The following NRG1 variants were observed in gnomAD, a reference collection of about 807,000 sequenced individuals.
NRG1 encodes the protein pro-neuregulin-1, membrane-bound isoform.
In NRG1, 18 loss-of-function variants were observed where a neutral mutation model predicts 63.8. That is an observed-to-expected ratio of 0.28 (90% CI 0.19 to 0.42). The LOEUF (loss-of-function observed/expected upper bound fraction) is 0.42. Among genes scored for constraint, NRG1 ranks in the 10% least tolerant of loss-of-function variants. The pLI, the probability that NRG1 is intolerant of heterozygous loss-of-function variation, is 1.00. For synonymous variants in NRG1, 302 were observed against 301.3 expected, an observed-to-expected ratio of 1.00 and a Z score of -0.02; for missense variants, 762 against 814.7, an observed-to-expected ratio of 0.94 and a Z score of 0.79.
At chr8:32,764,612 A>G (rs544578851) in exon 12 of NRG1, 15 of 437,752 alleles carry the variant, frequency 3.4e-5, no homozygotes, top group African/African-American at 1.6e-4. Flanking sequence ...AAAGATATCA[A>G]TGGTGCCTTT....
At chr8:31,982,006 A>G (rs1809198419) in intron 1 of NRG1, among the ~76,000 whole-genome samples, 1 of 151,916 alleles carries the variant, frequency 6.6e-6, no homozygotes, top group South Asian at 2.1e-4. Context: ...ACATGTATAA[A>G]TATATACCAT....
intron 1 of NRG1, among the ~76,000 whole-genome samples, chr8:32,275,422 A>G (rs938949938): frequency 7.2e-5 from 11 of 152,202 alleles, no homozygotes; most frequent in Non-Finnish European, 1.6e-4. Flanking sequence ...GGCAGGACAC[A>G]GAGATGGAGA....
At chr8:31,810,333 C>T (rs919793495) in intron 1 of NRG1, among the ~76,000 whole-genome samples, 4 of 152,062 alleles carry the variant, frequency 2.6e-5, no homozygotes, top group African/African-American at 9.7e-5. Flanking sequence ...AATCAAGTTC[C>T]ATCACTCCCT....
chr8:31,803,975 C>T (rs1822038443), intron 1 of NRG1, among the ~76,000 whole-genome samples: 1 of 152,168 alleles, frequency 6.6e-6, no homozygotes, highest in Non-Finnish European at 1.5e-5. Context: ...CAGAGATGTT[C>T]CCCAGCTACC....
intron 1 of NRG1, among the ~76,000 whole-genome samples, chr8:32,433,806 G>A (rs1236658013): frequency 6.6e-6 from 1 of 152,094 alleles, no homozygotes; most frequent in Non-Finnish European, 1.5e-5. Flanking sequence ...CCAGGAGTAG[G>A]AAATATTTCT....
At chr8:32,650,735 A>G (rs1054530135) in intron 5 of NRG1, among the ~76,000 whole-genome samples, 2 of 152,030 alleles carry the variant, frequency 1.3e-5, no homozygotes, top group African/African-American at 4.8e-5. Context: ...AGTCACAGAA[A>G]GAACTGGGAC....
chr8:31,970,907 G>A (rs938940866), intron 1 of NRG1, among the ~76,000 whole-genome samples: 3 of 152,020 alleles, frequency 2.0e-5, no homozygotes, highest in East Asian at 1.9e-4. Flanking sequence ...CAACTTGCGC[G>A]GTGGCGGGCG....
intron 1 of NRG1, among the ~76,000 whole-genome samples, chr8:32,226,946 A>G (rs1410456794): frequency 6.6e-6 from 1 of 152,322 alleles, no homozygotes; most frequent in Middle Eastern, 3.4e-3. Flanking sequence ...GTGTCCTACA[A>G]ATGTCCATGC....
At chr8:32,304,101 A>G (rs867148293) in intron 1 of NRG1, among the ~76,000 whole-genome samples, 1 of 152,214 alleles carries the variant, frequency 6.6e-6, no homozygotes, top group Non-Finnish European at 1.5e-5. Context: ...AACGTTCATG[A>G]GTGTTTAATC....
chr8:32,749,163 C>A (rs1329748756), intron 7 of NRG1: 1 of 164,650 alleles, frequency 6.1e-6, no homozygotes, highest in Admixed American at 6.1e-5. Flanking sequence ...ATAAAATTCA[C>A]CTCCTTGGAA....
At chr8:31,699,544 T>C (rs1376099225) in intron 1 of NRG1, among the ~76,000 whole-genome samples, 1 of 152,178 alleles carries the variant, frequency 6.6e-6, no homozygotes, top group Non-Finnish European at 1.5e-5. Flanking sequence ...CGATTTTCTT[T>C]TTCTTACCCA....
intron 1 of NRG1, among the ~76,000 whole-genome samples, chr8:32,286,781 G>A (rs1473817259): frequency 6.6e-6 from 1 of 152,152 alleles, no homozygotes; most frequent in Non-Finnish European, 1.5e-5. Flanking sequence ...TGGATCACCT[G>A]AGGTCACGAG....
intron 1 of NRG1, among the ~76,000 whole-genome samples, chr8:32,280,691 G>GTTTT (rs1174950316): frequency 8.7e-5 from 5 of 57,626 alleles, no homozygotes; most frequent in Admixed American, 2.7e-4. Flanking sequence ...TTTTTTTTTT[G>GTTTT]TTTTTTTTTT....
At chr8:32,695,748 A>G (rs904102358) in intron 5 of NRG1, among the ~76,000 whole-genome samples, 1 of 152,218 alleles carries the variant, frequency 6.6e-6, no homozygotes, top group African/African-American at 2.4e-5. Flanking sequence ...TGCTAATGTC[A>G]TTAAGTGCCA....
intron 1 of NRG1, among the ~76,000 whole-genome samples, chr8:31,968,552 C>A (rs922353): frequency 0.7 from 105,951 of 152,066 alleles, 38,854 homozygotes; most frequent in Non-Finnish European, 0.82. Context: ...TCCATGGATA[C>A]CTCCAGCATC....
At chr8:31,988,217 A>T (rs1810419086) in intron 1 of NRG1, among the ~76,000 whole-genome samples, 1 of 152,106 alleles carries the variant, frequency 6.6e-6, no homozygotes, top group African/African-American at 2.4e-5. Context: ...TGCTTTGCGT[A>T]CAGGGTGTGC....
At chr8:32,514,632 A>G (rs1045287981) in intron 1 of NRG1, among the ~76,000 whole-genome samples, 16 of 142,064 alleles carry the variant, frequency 1.1e-4, no homozygotes, top group Non-Finnish European at 2.3e-4. Flanking sequence ...TTTTAATACA[A>G]AAACATCATC....
Position 31,886,380 on chromosome 8 carries a change from C to T in NRG1, c.37+246949C>T, listed in dbSNP as rs142050388. Among the ~76,000 whole-genome samples, 574 of 152,124 alleles carry T rather than the reference C, an allele frequency of 3.8e-3. 1 individual carries two copies. Among genetic ancestry groups the T allele is most frequent in the Middle Eastern group, 0.024 (7 of 294 alleles). Reference sequence around the variant, plus strand: ...TATTTGTAGCTTTGCCAATTTCACACAGTTACTTTTTAATATATACACCGG... The same window carrying T: ...TATTTGTAGCTTTGCCAATTTCACATAGTTACTTTTTAATATATACACCGG... On this transcript the variant is annotated intron_variant, in intron 1 of 10. Transcript: ENST00000519301.
intron 1 of NRG1, among the ~76,000 whole-genome samples, chr8:32,335,988 CCA>C (rs369664055): frequency 6.6e-6 from 1 of 150,610 alleles, no homozygotes; most frequent in Non-Finnish European, 1.5e-5. Flanking sequence ...CTCCACCCAC[CCA>C]CACACACACA....
Sources: allele counts gnomAD v4.1 joint callset (sites outside exome capture counted in the v4.1 genomes callset), GRCh38; gene constraint gnomAD v4.1.1; transcripts MANE v1.5; gene names NCBI Gene and HGNC (gene_info 2026-07-23, HGNC 2026-07-21).